The following TBL1X variants were observed in gnomAD, a reference collection of about 807,000 sequenced individuals.
TBL1X encodes transducin beta like 1 X-linked.
TBL1X carries 10 observed loss-of-function variants against 50.7 expected under a neutral mutation model. The ratio of observed to expected loss-of-function variants is 0.20; its 90% CI spans 0.12 to 0.33. TBL1X has a LOEUF of 0.33. Among genes scored for constraint, TBL1X ranks in the 10% least tolerant of loss-of-function variants. The pLI is 1.00. For missense variants in TBL1X, 340 were observed against 504.4 expected (o/e 0.67, Z 3.12); for synonymous variants, 190 against 214.7 (o/e 0.88, Z 1.01).
At position 9,634,818 on chromosome X, in the gene TBL1X, G is replaced by A. The variant is rs151328367; in HGVS notation, c.-130-5455G>A. On this transcript the variant is annotated intron_variant, in intron 2 of 17. Transcript: ENST00000645353. ...CCCTACTTACTCTAAAACTCCAGTC[G>A]ATTGGCTTCCAAGTTCACTTGGTTC... Among the ~76,000 whole-genome samples, 997 of 111,594 alleles carry A rather than the reference G, an allele frequency of 8.9e-3. 10 individuals carry two copies. Among genetic ancestry groups the A allele is most frequent in the African/African-American group, 0.03 (930 of 30,665 alleles).
intron 2 of TBL1X, among the ~76,000 whole-genome samples, chrX:9,621,822 A>G (rs756274223): frequency 8.9e-6 from 1 of 112,071 alleles, no homozygotes; most frequent in South Asian, 3.7e-4. Flanking sequence ...TTCTCCAGGG[A>G]TGGAAGCTGG....
intron 3 of TBL1X, among the ~76,000 whole-genome samples, chrX:9,651,371 T>A (rs1363544574): frequency 3.6e-5 from 4 of 112,128 alleles, no homozygotes; most frequent in Non-Finnish European, 7.5e-5. Flanking sequence ...TCCATTCTTT[T>A]TGCTCCTCCT....
chrX:9,578,610 C>T (rs373911699), intron 2 of TBL1X, among the ~76,000 whole-genome samples: 2 of 111,711 alleles, frequency 1.8e-5, no homozygotes, highest in East Asian at 5.7e-4. Flanking sequence ...CAAGCGTCCC[C>T]CTGTGCTCAG....
Position 9,664,380 on chromosome X carries a change from G to A in TBL1X, c.211+10058G>A, listed in dbSNP as rs1263172768. On this transcript the variant is annotated intron_variant, in intron 5 of 17. Coordinates refer to ENST00000645353, the MANE Select transcript of TBL1X (RefSeq NM_005647.4). Reference sequence around the variant, plus strand: ...TATTGCAGGCCTAGGGCTGGGTGGGGGTACTCTCTTGTGTAATGGATTCGA... The same window carrying A: ...TATTGCAGGCCTAGGGCTGGGTGGGAGTACTCTCTTGTGTAATGGATTCGA... 3.6e-5 allele frequency among the ~76,000 whole-genome samples: 4 copies of A among 111,944 alleles called. No homozygotes were observed. The Admixed American group carries it at 3.8e-4, about 11-fold the overall frequency.
At position 9,709,112 on chromosome X, in the gene TBL1X, G is replaced by T; in HGVS notation, c.1237-136G>T. 6 of 546,009 alleles carry T rather than the reference G, an allele frequency of 1.1e-5. No individual in the cohort carries two copies. The South Asian group carries it at 1.8e-4, about 17-fold the overall frequency. The allele number at this position is 546,009 out of a possible 1,213,427, so 45.0% of individuals were successfully genotyped here. On this transcript the variant is annotated intron_variant, in intron 13 of 17. Transcript: ENST00000645353. The stretch of plus-strand genomic sequence containing the variant: ...AAGAGGAAACTAGATGGCTGGTTGG[G>T]CTGTGCCCTTTGATGTCAGGCTGAA...
At chrX:9,658,624 A>G (rs1210531778) in intron 5 of TBL1X, among the ~76,000 whole-genome samples, 2 of 111,585 alleles carry the variant, frequency 1.8e-5, no homozygotes, top group African/African-American at 6.5e-5. Context: ...TAAAGAAAAC[A>G]TGTTCTCCCA....
chrX:9,522,309 A>G (rs989666348), intron 2 of TBL1X, among the ~76,000 whole-genome samples: 4 of 111,758 alleles, frequency 3.6e-5, no homozygotes, highest in African/African-American at 9.7e-5. Flanking sequence ...TTGAGCCACA[A>G]TGCCCAGCCT....
chrX:9,478,373 A>G (rs2081860680), intron 1 of TBL1X, among the ~76,000 whole-genome samples: 1 of 111,093 alleles, frequency 9.0e-6, no homozygotes, highest in Non-Finnish European at 1.9e-5. Context: ...CCCAGGATCT[A>G]CCTCTGCTCT....
intron 2 of TBL1X, among the ~76,000 whole-genome samples, chrX:9,536,523 T>G (rs958601391): frequency 9.0e-6 from 1 of 111,666 alleles, no homozygotes; most frequent in South Asian, 3.8e-4. Flanking sequence ...GTGCTGGGAT[T>G]ACAGGAGTGA....
rs755314437 is a variant in TBL1X, at chrX:9,698,954, C to G, written c.1114+1525C>G. Among the ~76,000 whole-genome samples the G allele has an allele frequency of 3.5e-4, 39 of 111,581 alleles. 1 individual carries two copies. The highest frequency in any genetic ancestry group is 6.2e-4 in the Non-Finnish European group (33 of 53,064). On this transcript the variant is annotated intron_variant, in intron 12 of 17. Transcript: ENST00000645353. ...AGATTCCGATTTTCCAGATTCCCAC[C>G]TGATTCTTCGTGGGTCGTTTTGGGT...
At chrX:9,494,755 G>C (rs1051211005) in intron 1 of TBL1X, among the ~76,000 whole-genome samples, 4 of 111,653 alleles carry the variant, frequency 3.6e-5, no homozygotes, top group Non-Finnish European at 5.6e-5. Context: ...GAAGGTGGAC[G>C]TGTTAAAATC....
rs1306672888 is a variant in TBL1X at position 9,647,398 on chromosome X, T to C, written c.-42-6147T>C. Among the ~76,000 whole-genome samples the C allele has an allele frequency of 2.7e-5, 3 of 112,097 alleles. No individual in the cohort carries two copies. The East Asian group carries it at 8.4e-4, about 31-fold the overall frequency. On this transcript the variant is annotated intron_variant, in intron 3 of 17. Coordinates refer to ENST00000645353, the MANE Select transcript of TBL1X (RefSeq NM_005647.4). ...TGTGGCTTTAACCCAAAGTGGAAGG[T>C]GGTTATTTCGTTTTTGCGCAATCAC... is the stretch of plus-strand genomic sequence containing the variant.
chrX:9,573,596 G>A (rs1401371981), intron 2 of TBL1X, among the ~76,000 whole-genome samples: 1 of 112,767 alleles, frequency 8.9e-6, no homozygotes, highest in East Asian at 2.8e-4. Flanking sequence ...TCTGGACGGT[G>A]GCTAGCAGGG....
At chrX:9,518,122 G>T (rs866602968) in intron 2 of TBL1X, among the ~76,000 whole-genome samples, 52 of 104,696 alleles carry the variant, frequency 5.0e-4, no homozygotes, top group Non-Finnish European at 8.5e-4. Flanking sequence ...AAAAAGAAAA[G>T]AAAAAAACAG....
chrX:9,514,930 G>T (rs192730167), intron 2 of TBL1X, among the ~76,000 whole-genome samples: 1 of 112,237 alleles, frequency 8.9e-6, no homozygotes, highest in African/African-American at 3.2e-5. Flanking sequence ...ACAACCTGGC[G>T]AGGAGCTCCT....
At chrX:9,503,809 G>A (rs1259307797) in intron 2 of TBL1X, among the ~76,000 whole-genome samples, 1 of 112,994 alleles carries the variant, frequency 8.9e-6, no homozygotes, top group Non-Finnish European at 1.9e-5. Flanking sequence ...TCAGCCCATA[G>A]GGGAGGGGTG....
chrX:9,695,753 A>G (rs2083127770), intron 11 of TBL1X, among the ~76,000 whole-genome samples: 1 of 112,121 alleles, frequency 8.9e-6, no homozygotes, highest in African/African-American at 3.2e-5. Context: ...GACCCTGGTC[A>G]CCAGTAACTA....
chrX:9,716,339 G>T lies in TBL1X; in HGVS notation c.*93G>T. 2.0e-6 allele frequency: 2 copies of T among 981,143 alleles called. No homozygotes were observed. Among genetic ancestry groups the T allele is most frequent in the South Asian group, 4.2e-5 (2 of 47,844 alleles). The allele number at this position is 981,143 out of a possible 1,213,427, so 80.9% of individuals were successfully genotyped here. On this transcript the variant is annotated 3_prime_UTR_variant, in exon 18 of 18. Transcript: ENST00000645353. ...CTATTCTCCAAAACTGTAGGAACTTGACTTGCGTTAGAGTGTACTCTGAAA... is the reference window on the plus strand; with the variant it reads ...CTATTCTCCAAAACTGTAGGAACTTTACTTGCGTTAGAGTGTACTCTGAAA...
intron 2 of TBL1X, among the ~76,000 whole-genome samples, chrX:9,516,061 A>G (rs2082079565): frequency 9.0e-6 from 1 of 111,083 alleles, no homozygotes; most frequent in Non-Finnish European, 1.9e-5. Context: ...TGTCCTCAAA[A>G]TACTTCCTGT....
Sources: gnomAD v4.1 joint callset for allele counts (sites outside exome capture counted in the v4.1 genomes callset) on GRCh38, gnomAD v4.1.1 for gene constraint, MANE v1.5 for transcripts, NCBI Gene and HGNC (gene_info 2026-07-23, HGNC 2026-07-21) for gene names.